NEO1: variants seen among roughly 807,000 people sequenced by gnomAD.
NEO1 encodes neogenin 1.
A neutral mutation model predicts 159.7 loss-of-function variants in NEO1; 63 were observed. The observed-to-expected ratio is 0.39, with a 90% CI of 0.32 to 0.49. NEO1 has a LOEUF of 0.49. NEO1 is among the 20% of genes least tolerant of loss of function. The pLI is 0.85. For missense variants in NEO1, 1,615 were observed against 1,831.0 expected (o/e 0.88, Z 2.15); for synonymous variants, 633 against 662.0 (o/e 0.96, Z 0.67).
intron 1 of NEO1, among the ~76,000 whole-genome samples, chr15:73,062,493 T>C (rs552218929): frequency 2.2e-4 from 34 of 152,364 alleles, no homozygotes; most frequent in African/African-American, 7.9e-4. Context: ...GTAATTGGGT[T>C]AGTTACCTGA....
At chr15:73,147,611 T>C (rs1479921167) in intron 5 of NEO1, among the ~76,000 whole-genome samples, 1 of 152,198 alleles carries the variant, frequency 6.6e-6, no homozygotes, top group African/African-American at 2.4e-5. Context: ...GACAAAGTCA[T>C]GTCCCTTCCA....
Position 73,236,506 on chromosome 15 carries a change from G to C in NEO1, c.1451G>C (p.Arg484Thr). The change falls in exon 8 of 29, where the codon AGG (arginine) becomes ACG (threonine). Residue 484 changes from arginine to threonine, a missense_variant and splice_region_variant. Arg to Thr is a moderately conservative substitution (Grantham distance 71). Coordinates refer to ENST00000261908, the MANE Select transcript of NEO1 (RefSeq NM_002499.4). ...TTCTACACCAAGGAAGGGATTGCTA[G>C]GTAAGTGCCTGTGTGTCTGCAGCCA... ...SVFYTKEGIA[R>T]ERVENTSHPG... The C allele has an allele frequency of 1.2e-6, 2 of 1,613,834 alleles. No individual in the cohort carries two copies. Among genetic ancestry groups the C allele is most frequent in the Non-Finnish European group, 1.7e-6 (2 of 1,179,826 alleles).
intron 5 of NEO1, among the ~76,000 whole-genome samples, chr15:73,166,956 T>C (rs897433384): frequency 6.6e-6 from 1 of 151,812 alleles, no homozygotes; most frequent in Non-Finnish European, 1.5e-5. Context: ...TAAAAAAGGA[T>C]GAGTTCATGT....
intron 7 of NEO1, among the ~76,000 whole-genome samples, chr15:73,233,238 G>A (rs1176468348): frequency 6.6e-6 from 1 of 152,126 alleles, no homozygotes; most frequent in Non-Finnish European, 1.5e-5. Flanking sequence ...GAGAACACTG[G>A]GGCCACAGTG....
chr15:73,239,931 C>T (rs1178895983), intron 8 of NEO1, among the ~76,000 whole-genome samples: 2 of 152,188 alleles, frequency 1.3e-5, no homozygotes, highest in Non-Finnish European at 2.9e-5. Context: ...TTTGCCCCCT[C>T]ATCCCTCGGG....
intron 4 of NEO1, among the ~76,000 whole-genome samples, chr15:73,133,329 A>G (rs973615594): frequency 1.3e-5 from 2 of 152,312 alleles, no homozygotes; most frequent in East Asian, 1.9e-4. Context: ...GTTCTCACTC[A>G]TAAGTGGGAG....
intron 1 of NEO1, among the ~76,000 whole-genome samples, chr15:73,066,131 T>C (rs975535860): frequency 6.6e-6 from 1 of 150,974 alleles, no homozygotes; most frequent in Non-Finnish European, 1.5e-5. Flanking sequence ...CATTCTCCTG[T>C]CTCAGCATCC....
At chr15:73,301,706 C>A (rs2042623743) in intron 28 of NEO1, among the ~76,000 whole-genome samples, 1 of 151,616 alleles carries the variant, frequency 6.6e-6, no homozygotes, top group Non-Finnish European at 1.5e-5. Flanking sequence ...CTTGCTCTGT[C>A]TCCCAGGCTG....
chr15:73,244,981 A>AAAAAC (rs1426485832), intron 9 of NEO1, among the ~76,000 whole-genome samples: 1 of 148,112 alleles, frequency 6.8e-6, no homozygotes. Context: ...AAAAAAAAAA[A>AAAAAC]AACAACAGCA....
intron 26 of NEO1, among the ~76,000 whole-genome samples, chr15:73,294,365 C>A (rs1186928325): frequency 6.6e-6 from 1 of 152,016 alleles, no homozygotes; most frequent in Non-Finnish European, 1.5e-5. Context: ...ATTTTTCCAC[C>A]ATTTGAAACT....
At chr15:73,289,277 T>C (rs1228403484) in intron 25 of NEO1, 39 bp downstream of exon 25, 1 of 1,520,480 alleles carries the variant, frequency 6.6e-7, no homozygotes, top group Non-Finnish European at 9.1e-7. Context: ...GCTACCAATC[T>C]GTTCAGTCAT....
intron 1 of NEO1, among the ~76,000 whole-genome samples, chr15:73,066,941 G>A (rs2068252490): frequency 6.6e-6 from 1 of 152,178 alleles, no homozygotes; most frequent in South Asian, 2.1e-4. Context: ...TCATTGCCTT[G>A]ATTGCCTTTA....
intron 11 of NEO1, among the ~76,000 whole-genome samples, chr15:73,250,178 A>G (rs1373833096): frequency 1.3e-5 from 2 of 152,116 alleles, no homozygotes; most frequent in Non-Finnish European, 2.9e-5. Flanking sequence ...TAAGTTATAT[A>G]TATATATACA....
At chr15:73,146,742 A>T (rs1207797219) in intron 5 of NEO1, among the ~76,000 whole-genome samples, 1 of 152,236 alleles carries the variant, frequency 6.6e-6, no homozygotes, top group African/African-American at 2.4e-5. Context: ...TGAACTAATG[A>T]TGTAAAGTTA....
At chr15:73,136,784 G>A (rs1021884110) in intron 5 of NEO1, among the ~76,000 whole-genome samples, 1 of 152,066 alleles carries the variant, frequency 6.6e-6, no homozygotes, top group Admixed American at 6.5e-5. Flanking sequence ...ATATGGAAAT[G>A]TACCCTCAAG....
At chr15:73,075,068 A>G (rs1438762777) in intron 1 of NEO1, among the ~76,000 whole-genome samples, 1 of 152,182 alleles carries the variant, frequency 6.6e-6, no homozygotes, top group East Asian at 1.9e-4. Flanking sequence ...TTCTGCTTTT[A>G]TAGGTGAAAA....
intron 4 of NEO1, among the ~76,000 whole-genome samples, chr15:73,131,083 C>A (rs1336503923): frequency 1.3e-5 from 2 of 152,096 alleles, no homozygotes; most frequent in Admixed American, 1.3e-4. Context: ...ACTTTCTCTG[C>A]TAGAGTGGTG....
At chr15:73,093,272 C>T (rs2069800465) in intron 1 of NEO1, among the ~76,000 whole-genome samples, 1 of 152,164 alleles carries the variant, frequency 6.6e-6, no homozygotes, top group Admixed American at 6.5e-5. Context: ...TTGTGTTTGT[C>T]AAGTTCTCCC....
In NEO1 at chr15:73,064,605, C is replaced by G. The variant is rs574475992; in HGVS notation, c.130+11800C>G. On this transcript the variant is annotated intron_variant, in intron 1 of 28. Transcript: ENST00000261908. ...TCAGCCTCCCAAGTAGCTGGGACTA[C>G]AGGTGCACACCACCATGCCCAGCTA... 2.0e-5 allele frequency among the ~76,000 whole-genome samples: 3 copies of G among 152,274 alleles called. No individual in the cohort carries two copies. The South Asian group carries it at 6.2e-4, about 32-fold the overall frequency.
Sources: allele counts gnomAD v4.1 joint callset (sites outside exome capture counted in the v4.1 genomes callset), GRCh38; gene constraint gnomAD v4.1.1; transcripts MANE v1.5; gene names NCBI Gene and HGNC (gene_info 2026-07-23, HGNC 2026-07-21).